Variants in XPO1 observed in about 807,000 individuals in gnomAD.
XPO1 encodes exportin-1.
XPO1 carries 5 observed loss-of-function variants against 133.3 expected under a neutral mutation model. The ratio of observed to expected loss-of-function variants is 0.04; its 90% CI spans 0.02 to 0.08. XPO1 has a LOEUF of 0.08. Among genes scored for constraint, XPO1 ranks in the 10% least tolerant of loss-of-function variants. XPO1 has a pLI of 1.00. For synonymous variants in XPO1, 419 were observed against 408.2 expected (o/e 1.03, Z -0.32); for missense variants, 506 against 1,267.5 (o/e 0.40, Z 9.12).
In XPO1 at chr2:61,498,595, GC is replaced by G. The variant is rs1009100289; in HGVS notation, c.759+77del. The G allele has an allele frequency of 5.2e-6, 8 of 1,552,714 alleles. No homozygotes were observed. The African/African-American group carries it at 1.1e-4, about 21-fold the overall frequency. ...AACAAGGTTGAATAAGGTTTAGAAT[GC>G]AGAGATGAGAGCTTTACATGTGAAA... On this transcript the variant is annotated intron_variant, in intron 9 of 24. Coordinates refer to ENST00000401558, the MANE Select transcript of XPO1 (RefSeq NM_003400.4).
chr2:61,502,005 G>A lies in XPO1; in HGVS notation c.399C>T (p.Ile133=). The part of the protein sequence containing the change: ...EKVYIGKLNM[I]LVQILKQEWP... ...TTAAGTTAAAGCTTACCTGAACAAG[G>A]ATCATATTTAATTTTCCGATATACA... The change falls in exon 6 of 25, where the codon ATC becomes ATT. Residue 133 remains isoleucine, a synonymous_variant. Coordinates refer to ENST00000401558, the MANE Select transcript of XPO1 (RefSeq NM_003400.4). The A allele has an allele frequency of 6.3e-7, 1 of 1,598,894 alleles. No homozygotes were observed. The highest frequency in any genetic ancestry group is 8.5e-7 in the Non-Finnish European group (1 of 1,171,036).
At chr2:61,534,139 T>C (rs575129171) in intron 1 of XPO1, 43 of 346,820 alleles carry the variant, frequency 1.2e-4, no homozygotes, top group Non-Finnish European at 2.1e-4. Flanking sequence ...GTTTAGTTTA[T>C]ACACCAGGAA....
chr2:61,508,768 T>C (rs552065237), intron 4 of XPO1, among the ~76,000 whole-genome samples: 70 of 152,350 alleles, frequency 4.6e-4, no homozygotes, highest in African/African-American at 1.6e-3. Flanking sequence ...CAACTCAATC[T>C]TCAAGTCATA....
At chr2:61,491,456 ACAAAC>A (rs1376452748) in intron 16 of XPO1, among the ~76,000 whole-genome samples, 20 of 98,068 alleles carry the variant, frequency 2.0e-4, no homozygotes, top group African/African-American at 7.3e-4. Context: ...ATCTCAAAAA[ACAAAC>A]ACACACACAC....
chr2:61,513,355 C>T lies in XPO1; in HGVS notation c.301+9256G>A, dbSNP rs1375648638. On this transcript the variant is annotated intron_variant, in intron 4 of 24. Transcript: ENST00000401558. The stretch of plus-strand genomic sequence containing the variant: ...TATAAAGGTTCTATAAGAAAACGTA[C>T]AGAATATCTTTTTTTTTTTTTTTTT... Among the ~76,000 whole-genome samples the T allele has an allele frequency of 5.6e-5, 7 of 126,104 alleles. No homozygotes were observed. In the Admixed American group the frequency reaches 6.7e-4, roughly 12 times the overall value. 82.7% of individuals were successfully genotyped at this position (126,104 alleles called of 152,430 possible).
chr2:61,495,686 T>A (rs1697210086), intron 10 of XPO1, 73 bp from the exon 11 acceptor site: 2 of 1,374,672 alleles, frequency 1.5e-6, no homozygotes, highest in Non-Finnish European at 9.6e-7. Flanking sequence ...TTTATTATTA[T>A]TTTTTTGAGA....
chr2:61,511,714 A>G (rs1162063419), intron 4 of XPO1, among the ~76,000 whole-genome samples: 1 of 151,904 alleles, frequency 6.6e-6, no homozygotes. Context: ...TGTTTTTTTT[A>G]GAAATGAAAA....
rs530660042 is a variant in XPO1 at position 61,535,522 on chromosome 2, C to T, written c.-6-1619G>A. 6.6e-5 allele frequency among the ~76,000 whole-genome samples: 10 copies of T among 152,300 alleles called. No individual in the cohort carries two copies. The South Asian group carries it at 2.1e-3, about 32-fold the overall frequency. ...CGGAAAAAAAGTCATTAATTCCTGG[C>T]TATTTTATAACAGCTTAAAAATGTC... On this transcript the variant is annotated intron_variant, in intron 1 of 24. Transcript: ENST00000401558.
chr2:61,479,519 A>G (rs1696231136), intron 24 of XPO1, among the ~76,000 whole-genome samples: 1 of 152,158 alleles, frequency 6.6e-6, no homozygotes, highest in Non-Finnish European at 1.5e-5. Flanking sequence ...ATTATTATGC[A>G]TTGTATGCTT....
chr2:61,489,631 T>C (rs1429333281), intron 17 of XPO1, among the ~76,000 whole-genome samples: 1 of 151,314 alleles, frequency 6.6e-6, no homozygotes, highest in African/African-American at 2.4e-5. Context: ...CTCGGCTCAC[T>C]GCAAGCTCTG....
At chr2:61,482,589 A>C in intron 22 of XPO1, 50 bp from the exon 23 acceptor site, 1 of 1,422,380 alleles carries the variant, frequency 7.0e-7, no homozygotes, top group East Asian at 2.5e-5. Context: ...ATAACTATAG[A>C]TCTTAGCGTT....
chr2:61,485,761 TACAC>T lies in XPO1; in HGVS notation c.2508+3_2508+6del. 6.3e-7 allele frequency: 1 copy of T among 1,599,674 alleles called. No homozygotes were observed. ...TTTCCCCCTTACATAACTGAAATAT[TACAC>T]ACCTTATTTATCATATTCAATGTGC... is the stretch of plus-strand genomic sequence containing the variant. On this transcript the variant is annotated splice_donor_5th_base_variant and intron_variant, in intron 20 of 24. Coordinates refer to ENST00000401558, the MANE Select transcript of XPO1 (RefSeq NM_003400.4).
At chr2:61,527,478 G>A (rs1698957618) in intron 2 of XPO1, among the ~76,000 whole-genome samples, 1 of 152,096 alleles carries the variant, frequency 6.6e-6, no homozygotes. Context: ...AAAGAGCAGA[G>A]ACCCTGTCTC....
chr2:61,506,598 CAA>C (rs71405128), intron 4 of XPO1, among the ~76,000 whole-genome samples: 5 of 81,402 alleles, frequency 6.1e-5, no homozygotes, highest in African/African-American at 1.0e-4. Flanking sequence ...GATTCCGTCT[CAA>C]AAAAAAAAAA....
intron 4 of XPO1, chr2:61,502,524 G>T: frequency 2.4e-6 from 1 of 423,346 alleles, no homozygotes; most frequent in South Asian, 2.8e-5. Context: ...AGGCTGAGGT[G>T]GGTGGATCAC....
In XPO1 at chr2:61,485,969, G is replaced by C; in HGVS notation, c.2314-7C>G. On this transcript the variant is annotated splice_polypyrimidine_tract_variant and splice_region_variant and intron_variant, in intron 19 of 24. Transcript: ENST00000401558. ...GAACAAAATTTTCAGCGACCTGTTG[G>C]GGAGGGAAAAAAAAGTTATGTTTTA... 2 of 1,594,782 alleles carry C rather than the reference G, an allele frequency of 1.3e-6. No individual in the cohort carries two copies. Among genetic ancestry groups the C allele is most frequent in the Non-Finnish European group, 1.7e-6 (2 of 1,171,248 alleles).
rs35101636 is a variant in XPO1, at chr2:61,481,440, GT to G, written c.2973-160del. 8.5e-3 allele frequency among the ~76,000 whole-genome samples: 1,224 copies of G among 143,464 alleles called. 12 individuals carry two copies. The highest frequency in any genetic ancestry group is 0.035 in the East Asian group (173 of 4,960). The allele number at this position is 143,464 out of a possible 152,430, so 94.1% of individuals were successfully genotyped here. ...TCTCCTGCCTCAGCGTCCCAATAAT[GT>G]TTTTTTTTTTTAATCAAGAATTTTT... On this transcript the variant is annotated intron_variant, in intron 23 of 24. Coordinates refer to ENST00000401558, the MANE Select transcript of XPO1 (RefSeq NM_003400.4).
chr2:61,518,410 AAAACAAAACACAC>A (rs1470742470), intron 4 of XPO1, among the ~76,000 whole-genome samples: 10 of 144,954 alleles, frequency 6.9e-5, no homozygotes, highest in South Asian at 2.1e-4. Context: ...CAAAAAACAA[AAAACAAAACACAC>A]ACACACACAC....
At chr2:61,504,774 G>A (rs1036102561) in intron 4 of XPO1, among the ~76,000 whole-genome samples, 1 of 152,118 alleles carries the variant, frequency 6.6e-6, no homozygotes, top group African/African-American at 2.4e-5. Context: ...GTTCTTCAAT[G>A]GCACTTAATT....
Sources: gnomAD v4.1 joint callset for allele counts (sites outside exome capture counted in the v4.1 genomes callset) on GRCh38, gnomAD v4.1.1 for gene constraint, MANE v1.5 for transcripts, NCBI Gene and HGNC (gene_info 2026-07-23, HGNC 2026-07-21) for gene names.